Variants in PALS1 observed in about 807,000 individuals in gnomAD.
The protein encoded by PALS1 is protein associated with LIN7 1, MAGUK p55 family member.
Under a neutral mutation model 78.9 loss-of-function variants are expected in PALS1, and 31 were observed. The observed-to-expected ratio is 0.39, with a 90% confidence interval of 0.30 to 0.53. The LOEUF (loss-of-function observed/expected upper bound fraction) is 0.53, where lower values mean the gene tolerates loss of function less well. Among genes scored for constraint, PALS1 ranks in the 20% least tolerant of loss-of-function variants. The probability of loss-of-function intolerance (pLI) is 0.67; values close to 1 mark genes in which losing one functional copy is unlikely to be tolerated. For synonymous variants in PALS1, 276 were observed against 270.9 expected, an observed-to-expected ratio of 1.02 and a Z score of -0.18; for missense variants, 704 against 826.5, an observed-to-expected ratio of 0.85 and a Z score of 1.82.
rs1447460356 is a variant in PALS1 at position 67,333,175 on chromosome 14, C to T, written c.*219C>T. On this transcript the variant is annotated 3_prime_UTR_variant, in exon 15 of 15. Transcript: ENST00000261681. ...TATACATGGCTTTAGCGGTTCTTGC[C>T]TCATTTTGGGATTCTAAATGGAAGC... is the stretch of plus-strand genomic sequence containing the variant. 1.5e-5 allele frequency: 6 copies of T among 387,832 alleles called. No homozygotes were observed. The highest frequency in any genetic ancestry group is 8.3e-5 in the African/African-American group (4 of 48,268). 24.0% of individuals were successfully genotyped at this position (387,832 alleles called of 1,614,324 possible).
intron 1 of PALS1, among the ~76,000 whole-genome samples, chr14:67,255,564 G>T (rs1441499249): frequency 6.6e-6 from 1 of 152,172 alleles, no homozygotes; most frequent in Non-Finnish European, 1.5e-5. Flanking sequence ...GATTTATTTA[G>T]AAATTCTTAT....
Position 67,316,882 on chromosome 14 carries a change from G to T in PALS1, c.1276G>T (p.Asp426Tyr), listed in dbSNP as rs1328850643. 2.5e-6 allele frequency: 4 copies of T among 1,611,946 alleles called. No homozygotes were observed. The highest frequency in any genetic ancestry group is 3.4e-6 in the Non-Finnish European group (4 of 1,178,836). ...REAMKQTIEE[D>Y]KEPEKSGKLW... ...AGCCATGAAACAAACCATAGAAGAA[G>T]ATAAGGAGCCAGAAAAATCAGGTTA... Residue 426 changes from aspartate (D) to tyrosine (Y), a missense_variant, in exon 10 of 15, where the codon GAT becomes TAT. Transcript: ENST00000261681.
At chr14:67,324,900 T>A (rs1323722313) in intron 14 of PALS1, among the ~76,000 whole-genome samples, 1 of 135,070 alleles carries the variant, frequency 7.4e-6, no homozygotes, top group Non-Finnish European at 1.6e-5. Flanking sequence ...TCCTTTCATT[T>A]TTTTTTTTTT....
At chr14:67,330,991 A>G (rs931913280) in intron 14 of PALS1, among the ~76,000 whole-genome samples, 12 of 152,142 alleles carry the variant, frequency 7.9e-5, no homozygotes, top group African/African-American at 2.9e-4. Flanking sequence ...TTTTTGGTGT[A>G]GAGGATGGTG....
chr14:67,292,986 C>G (rs2084798072), intron 4 of PALS1, among the ~76,000 whole-genome samples: 2 of 151,974 alleles, frequency 1.3e-5, no homozygotes, highest in Non-Finnish European at 2.9e-5. Flanking sequence ...ATTTGAATTA[C>G]TAGAGAGCAA....
At chr14:67,256,810 A>T (rs1395168658) in intron 1 of PALS1, among the ~76,000 whole-genome samples, 1 of 151,986 alleles carries the variant, frequency 6.6e-6, no homozygotes, top group Non-Finnish European at 1.5e-5. Context: ...ACACACACAC[A>T]CACACACACA....
chr14:67,253,269 C>T (rs1390817974), intron 1 of PALS1, among the ~76,000 whole-genome samples: 3 of 152,154 alleles, frequency 2.0e-5, no homozygotes, highest in Non-Finnish European at 2.9e-5. Flanking sequence ...ATATTAAGCA[C>T]TCTTTCAATG....
At chr14:67,309,376 C>G (rs2085054804) in intron 8 of PALS1, among the ~76,000 whole-genome samples, 1 of 152,088 alleles carries the variant, frequency 6.6e-6, no homozygotes, top group South Asian at 2.1e-4. Context: ...ATTAATTTTT[C>G]AGATGTGAAA....
At chr14:67,321,892 TCC>T (rs1473188665) in intron 13 of PALS1, among the ~76,000 whole-genome samples, 1 of 152,204 alleles carries the variant, frequency 6.6e-6, no homozygotes, top group African/African-American at 2.4e-5. Context: ...TGAAATAATT[TCC>T]CTTTTCTGAT....
intron 8 of PALS1, among the ~76,000 whole-genome samples, chr14:67,309,078 CAG>C (rs1363494480): frequency 1.3e-5 from 2 of 152,090 alleles, no homozygotes; most frequent in Non-Finnish European, 2.9e-5. Flanking sequence ...GAAATGTAAA[CAG>C]AAGATTTTGT....
At position 67,321,112 on chromosome 14, in the gene PALS1, T is replaced by C. The variant is rs765770292; in HGVS notation, c.1593T>C (p.Val531=). 7 of 1,614,042 alleles carry C rather than the reference T, an allele frequency of 4.3e-6. No homozygotes were observed. In the African/African-American group the frequency reaches 9.3e-5, roughly 22 times the overall value. ...QEVAGRDYHF[V]SRQAFEADIA... is the part of the protein sequence containing the mutation. ...TAGCCGGTAGAGATTACCACTTTGTTTCGCGGCAAGCATTCGAGGCAGACA... is the reference window on the plus strand; with the variant it reads ...TAGCCGGTAGAGATTACCACTTTGTCTCGCGGCAAGCATTCGAGGCAGACA... Residue 531 remains valine (V), a synonymous_variant, in exon 13 of 15, where the codon GTT becomes GTC. Transcript: ENST00000261681.
intron 13 of PALS1, among the ~76,000 whole-genome samples, chr14:67,323,365 C>A (rs2085296801): frequency 6.6e-6 from 1 of 151,542 alleles, no homozygotes; most frequent in African/African-American, 2.4e-5. Context: ...GTAATCCCAG[C>A]ACTTTGGGAG....
intron 1 of PALS1, among the ~76,000 whole-genome samples, chr14:67,251,679 A>C (rs937142265): frequency 1.3e-5 from 2 of 152,236 alleles, no homozygotes; most frequent in African/African-American, 4.8e-5. Flanking sequence ...TAAGAAATAT[A>C]TATTTGGTCT....
intron 1 of PALS1, among the ~76,000 whole-genome samples, chr14:67,246,013 T>G (rs2083982576): frequency 6.6e-6 from 1 of 152,158 alleles, no homozygotes; most frequent in African/African-American, 2.4e-5. Context: ...CATGATCTTT[T>G]TCCCATTGTA....
At chr14:67,242,690 A>G (rs937502927) in intron 1 of PALS1, among the ~76,000 whole-genome samples, 1 of 151,356 alleles carries the variant, frequency 6.6e-6, no homozygotes, top group African/African-American at 2.4e-5. Flanking sequence ...TAGGCTTTCT[A>G]TTTGCGGCAG....
At chr14:67,321,004 C>A in intron 12 of PALS1, 53 bp from the exon 13 acceptor site, 1 of 1,461,058 alleles carries the variant, frequency 6.8e-7, no homozygotes. Flanking sequence ...GAATTATCCC[C>A]TGTCCTCACT....
chr14:67,288,087 T>C (rs1193865294), intron 3 of PALS1, among the ~76,000 whole-genome samples: 1 of 152,064 alleles, frequency 6.6e-6, no homozygotes, highest in Non-Finnish European at 1.5e-5. Flanking sequence ...GTCTCCCTTT[T>C]TTTTTCCTTC....
chr14:67,244,975 G>A (rs2083966668), intron 1 of PALS1, among the ~76,000 whole-genome samples: 1 of 152,134 alleles, frequency 6.6e-6, no homozygotes, highest in Admixed American at 6.6e-5. Flanking sequence ...AAAAAAAGAT[G>A]TAACAATTGG....
Position 67,302,541 on chromosome 14 carries a change from G to A in PALS1, c.933G>A (p.Gly311=), listed in dbSNP as rs781269290. The A allele has an allele frequency of 5.1e-5, 80 of 1,574,292 alleles. No homozygotes were observed. Among genetic ancestry groups the A allele is most frequent in the Non-Finnish European group, 5.8e-5 (67 of 1,161,616 alleles). The change falls in exon 7 of 15, where the codon GGG becomes GGA. Residue 311 remains glycine, a synonymous_variant. Transcript: ENST00000261681. ...VLEINGIEIR[G]KDVNEVFDLL... is the part of the protein sequence containing the mutation. The stretch of plus-strand genomic sequence containing the variant: ...AGATTAATGGCATTGAAATTCGGGG[G>A]AAAGATGTCAATGAGGTTTTTGACT...
Sources: allele counts gnomAD v4.1 joint callset (sites outside exome capture counted in the v4.1 genomes callset), GRCh38; gene constraint gnomAD v4.1.1; transcripts MANE v1.5; gene names NCBI Gene and HGNC (gene_info 2026-07-23, HGNC 2026-07-21).